The following SCART1 variants were observed in gnomAD, a reference collection of about 807,000 sequenced individuals.
The protein encoded by SCART1 is scavenger receptor family member expressed on T cells 1.
In SCART1, 62 loss-of-function variants were observed where a neutral mutation model predicts 36.2. The ratio of observed to expected loss-of-function variants is 1.71; its 90% confidence interval spans 1.40 to 2.12. SCART1 has a LOEUF of 2.12. SCART1 is among the 30% of genes most tolerant of loss of function. The pLI is 0.00. For missense variants in SCART1, 1,041 were observed against 540.5 expected (o/e 1.93, Z -9.18); for synonymous variants, 487 against 238.7 (o/e 2.04, Z -9.59).
chr10:133,462,850 C>A (rs1359573642), intron 6 of SCART1, among the ~76,000 whole-genome samples: 1 of 152,180 alleles, frequency 6.6e-6, no homozygotes, highest in Admixed American at 6.5e-5. Flanking sequence ...CCCAAGCCAG[C>A]CGCGATTCAA....
At chr10:133,456,239 G>A (rs996450462) in exon 2 of SCART1, 1 of 702,020 alleles carries the variant, frequency 1.4e-6, no homozygotes, top group African/African-American at 1.7e-5. Flanking sequence ...GTCTGTAGGT[G>A]GACCAGGTGC....
intron 2 of SCART1, chr10:133,457,051 G>T (rs1850625251): frequency 1.1e-5 from 6 of 571,132 alleles, no homozygotes; most frequent in Non-Finnish European, 1.8e-5. Context: ...TTGGGGCCCA[G>T]TGTGAACGGA....
intron 1 of SCART1, among the ~76,000 whole-genome samples, chr10:133,454,568 A>AG (rs766087838): frequency 1.3e-5 from 2 of 151,632 alleles, no homozygotes; most frequent in South Asian, 2.1e-4. Flanking sequence ...AGGTGTAGAG[A>AG]GGGGGGTCTA....
chr10:133,468,671 A>G (rs1850788083), exon 12 of SCART1: 1 of 152,184 alleles, frequency 6.6e-6, no homozygotes. Context: ...TAATTTGTTA[A>G]GGGTTTTGCT....
At chr10:133,455,849 G>C (rs956269381) in intron 1 of SCART1, among the ~76,000 whole-genome samples, 1 of 152,096 alleles carries the variant, frequency 6.6e-6, no homozygotes, top group African/African-American at 2.4e-5. Flanking sequence ...CAGTCACGTG[G>C]GTGGGGCAGG....
At chr10:133,458,804 G>T (rs1850655526) in intron 4 of SCART1, 148 bp downstream of exon 4, 3 of 668,200 alleles carry the variant, frequency 4.5e-6, no homozygotes, top group Non-Finnish European at 2.7e-6. Context: ...GGAAGAGACT[G>T]GGTGTAGAGT....
chr10:133,469,689 C>T (rs1850797412), downstream of SCART1, among the ~76,000 whole-genome samples: 1 of 152,040 alleles, frequency 6.6e-6, no homozygotes, highest in Non-Finnish European at 1.5e-5. Flanking sequence ...ACGTGTATAC[C>T]TATGTAACAA....
At chr10:133,461,060 G>C (rs1850695827) in intron 6 of SCART1, among the ~76,000 whole-genome samples, 1 of 152,192 alleles carries the variant, frequency 6.6e-6, no homozygotes, top group East Asian at 1.9e-4. Flanking sequence ...TTTTGAGATG[G>C]TGGATGAGCT....
At chr10:133,467,323 A>G (rs1034011221) in exon 11 of SCART1, 2 of 702,718 alleles carry the variant, frequency 2.8e-6, no homozygotes, top group African/African-American at 1.7e-5. Context: ...GGAGGACGGA[A>G]GTGTGGTGAA....
chr10:133,460,087 AGTCTGCGCTGT>A lies in SCART1; in HGVS notation c.1888_1898del (p.Ser630AlafsTer317), dbSNP rs771773192. Reference sequence around the variant, plus strand: ...GACGAGCTGGGCTGCCAGGGCCACGAGTCTGCGCTGTGGCAGTGCCCGTCGGCGGGCTGGGG... The same window carrying A: ...GACGAGCTGGGCTGCCAGGGCCACGAGGCAGTGCCCGTCGGCGGGCTGGGG... On this transcript the variant is annotated frameshift_variant, in exon 6 of 12. Coordinates refer to ENST00000640237, the Ensembl canonical transcript of SCART1. LOFTEE classifies it high-confidence loss of function. The A allele has an allele frequency of 2.2e-4, 113 of 520,084 alleles. No homozygotes were observed. Among genetic ancestry groups the A allele is most frequent in the Non-Finnish European group, 2.7e-5 (8 of 297,104 alleles). The allele number at this position is 520,084 out of a possible 1,614,324, so 32.2% of individuals were successfully genotyped here. A position where few individuals can be genotyped will look rare whatever the true frequency, so the allele number is the denominator to read the frequency against.
chr10:133,465,336 G>A, exon 9 of SCART1: 1 of 689,258 alleles, frequency 1.5e-6, no homozygotes. Flanking sequence ...GGGGCACCGT[G>A]TGCGACGATG....
intron 10 of SCART1, among the ~76,000 whole-genome samples, chr10:133,466,650 A>G (rs1850768858): frequency 6.6e-6 from 1 of 152,208 alleles, no homozygotes; most frequent in Non-Finnish European, 1.5e-5. Flanking sequence ...GGATGCCCAT[A>G]TTATCATCCC....
At chr10:133,462,651 G>A (rs568044858) in intron 6 of SCART1, among the ~76,000 whole-genome samples, 8 of 152,322 alleles carry the variant, frequency 5.3e-5, no homozygotes, top group Admixed American at 1.3e-4. Context: ...CTGGTTCTCC[G>A]TCCCAGCCGG....
chr10:133,467,275 G>A (rs185545510), exon 11 of SCART1: 48 of 703,064 alleles, frequency 6.8e-5, no homozygotes, highest in African/African-American at 4.4e-4. Context: ...AGGACTGTAC[G>A]AGGAAATCAT....
chr10:133,468,079 A>G (rs1850783659), exon 12 of SCART1: 5 of 573,798 alleles, frequency 8.7e-6, no homozygotes, highest in Admixed American at 2.8e-5. Flanking sequence ...TTCTCTTGCA[A>G]TGTCCTCCAT....
exon 6 of SCART1, chr10:133,459,930 T>C: frequency 1.8e-6 from 1 of 540,742 alleles, no homozygotes; most frequent in East Asian, 3.4e-5. Flanking sequence ...CGGGGGCGCG[T>C]GGGGCACCGT....
At chr10:133,456,845 G>C (rs1010031882) in intron 2 of SCART1, among the ~76,000 whole-genome samples, 8 of 152,194 alleles carry the variant, frequency 5.3e-5, no homozygotes, top group African/African-American at 1.9e-4. Flanking sequence ...AGCGGGGGCG[G>C]GGTCTGTGGA....
intron 6 of SCART1, 53 bp from the exon 7 acceptor site, chr10:133,464,553 G>T (rs1052254742): frequency 9.8e-6 from 6 of 613,284 alleles, no homozygotes; most frequent in African/African-American, 3.7e-5. Flanking sequence ...TTCTGAGACT[G>T]CCCATGGTGC....
chr10:133,456,643 TG>T, intron 2 of SCART1, 89 bp downstream of exon 2: 1 of 588,964 alleles, frequency 1.7e-6, no homozygotes, highest in Non-Finnish European at 3.0e-6. Context: ...AGAGGAGGAC[TG>T]GGAGGATGGC....
Sources: gnomAD v4.1 joint callset for allele counts (sites outside exome capture counted in the v4.1 genomes callset) on GRCh38, gnomAD v4.1.1 for gene constraint, MANE v1.5 for transcripts, NCBI Gene and HGNC (gene_info 2026-07-23, HGNC 2026-07-21) for gene names.